Variants in COL28A1 observed in about 807,000 individuals in gnomAD.
COL28A1 encodes collagen alpha-1(XXVIII) chain.
A neutral mutation model predicts 150.2 loss-of-function variants in COL28A1; 161 were observed. The ratio of observed to expected loss-of-function variants is 1.07; its 90% CI spans 0.94 to 1.22. The LOEUF is 1.22. Among genes scored for constraint, COL28A1 ranks in the 50% most tolerant of loss-of-function variants. The probability of loss-of-function intolerance (pLI) is 0.00; values close to 1 mark genes in which losing one functional copy is unlikely to be tolerated. For synonymous variants in COL28A1, 552 were observed against 469.7 expected, an observed-to-expected ratio of 1.18 and a Z score of -2.26; for missense variants, 1,617 against 1,388.3, an observed-to-expected ratio of 1.16 and a Z score of -2.62.
At chr7:7,461,345 C>A (rs1010756271) in intron 15 of COL28A1, among the ~76,000 whole-genome samples, 1 of 152,224 alleles carries the variant, frequency 6.6e-6, no homozygotes, top group African/African-American at 2.4e-5. Flanking sequence ...AAACCTCCAA[C>A]TGAATTCTGT....
chr7:7,489,768 A>G lies in COL28A1; in HGVS notation c.1096-311T>C, dbSNP rs549627143. On this transcript the variant is annotated intron_variant, in intron 12 of 34. Coordinates refer to ENST00000399429, the MANE Select transcript of COL28A1 (RefSeq NM_001037763.3). Reference sequence around the variant, plus strand: ...GGTTACAGAGCTGACTAAGCTGACAATGTGTGTGCTGTGCCCTGCCCTCTT... The same window carrying G: ...GGTTACAGAGCTGACTAAGCTGACAGTGTGTGTGCTGTGCCCTGCCCTCTT... Among the ~76,000 whole-genome samples, 7 of 152,240 alleles carry G rather than the reference A, an allele frequency of 4.6e-5. No homozygotes were observed. In the South Asian group the frequency reaches 6.2e-4, roughly 14 times the overall value.
rs187297101 is a variant in COL28A1 at position 7,531,843 on chromosome 7, G to A, written c.186C>T (p.Ala62=). ...CAAAATCTTTCTGTTTATCAAAGAG[G>A]GCAATTTTAGAACTTTCAGAGCTGT... ...IVDSSESSKI[A]LFDKQKDFVD... The change falls in exon 3 of 35, where the codon GCC becomes GCT. Residue 62 remains alanine, a synonymous_variant. Transcript: ENST00000399429. 41 of 1,607,342 alleles carry A rather than the reference G, an allele frequency of 2.6e-5. No individual in the cohort carries two copies. In the African/African-American group the frequency reaches 5.1e-4, roughly 20 times the overall value.
At chr7:7,490,960 G>A (rs555379191) in intron 11 of COL28A1, among the ~76,000 whole-genome samples, 33 of 152,278 alleles carry the variant, frequency 2.2e-4, no homozygotes, top group Admixed American at 6.5e-5. Flanking sequence ...AATACAGCTT[G>A]CATTCATAAA....
chr7:7,482,842 C>T (rs778468406), intron 13 of COL28A1, among the ~76,000 whole-genome samples: 4 of 152,126 alleles, frequency 2.6e-5, no homozygotes, highest in Non-Finnish European at 4.4e-5. Context: ...AATCAAAACT[C>T]GAGAACTCTA....
intron 2 of COL28A1, among the ~76,000 whole-genome samples, chr7:7,532,363 G>C (rs545210309): frequency 6.6e-6 from 1 of 152,008 alleles, no homozygotes; most frequent in South Asian, 2.1e-4. Flanking sequence ...AGAGTAAGTG[G>C]AGAAGAAACC....
chr7:7,433,270 C>T (rs1247177287), intron 23 of COL28A1, among the ~76,000 whole-genome samples: 1 of 152,026 alleles, frequency 6.6e-6, no homozygotes, highest in Non-Finnish European at 1.5e-5. Flanking sequence ...GTCTCACAAA[C>T]AGCAATCAGA....
chr7:7,527,972 GA>G (rs932086353), intron 3 of COL28A1, among the ~76,000 whole-genome samples: 5 of 151,796 alleles, frequency 3.3e-5, no homozygotes, highest in Non-Finnish European at 7.4e-5. Context: ...ATCTAAAACA[GA>G]AAAATAAGGC....
In COL28A1 at chr7:7,532,047, A is replaced by G. The variant is rs565975190; in HGVS notation, c.125-143T>C. 1.5e-5 allele frequency: 8 copies of G among 546,418 alleles called. No homozygotes were observed. In the East Asian group the frequency reaches 2.3e-4, roughly 16 times the overall value. 33.8% of individuals were successfully genotyped at this position (546,418 alleles called of 1,614,324 possible). On this transcript the variant is annotated intron_variant, in intron 2 of 34. Coordinates refer to ENST00000399429, the MANE Select transcript of COL28A1 (RefSeq NM_001037763.3). ...AGAGAAAGAGAGACACGTTGGACAG[A>G]AGGCTTCAATTGTAAAAAACTAAAT...
chr7:7,462,082 C>T (rs967009682), intron 15 of COL28A1, among the ~76,000 whole-genome samples: 3 of 152,150 alleles, frequency 2.0e-5, no homozygotes, highest in Non-Finnish European at 4.4e-5. Context: ...CAGTACCAGC[C>T]TGGAGCCCGG....
downstream of COL28A1, among the ~76,000 whole-genome samples, chr7:7,355,725 C>A (rs1216615103): frequency 6.6e-6 from 1 of 152,104 alleles, no homozygotes; most frequent in East Asian, 1.9e-4. Flanking sequence ...TTATATGCAA[C>A]TGGTGGGAAT....
At chr7:7,454,118 G>A (rs1446415702) in intron 16 of COL28A1, among the ~76,000 whole-genome samples, 2 of 152,124 alleles carry the variant, frequency 1.3e-5, no homozygotes, top group African/African-American at 4.8e-5. Context: ...TGTATATGTG[G>A]TTGTTTATTT....
chr7:7,345,478 G>C, the COL28A1 span, among the ~76,000 whole-genome samples: 3 of 151,848 alleles, frequency 2.0e-5, no homozygotes, highest in South Asian at 6.2e-4. Context: ...TTACCATCTG[G>C]TATAATTTTC....
Position 7,411,880 on chromosome 7 carries a change from T to A in COL28A1, c.2136+5979A>T, listed in dbSNP as rs537148871. Among the ~76,000 whole-genome samples the A allele has an allele frequency of 4.1e-4, 62 of 152,194 alleles. 1 individual carries two copies. Among genetic ancestry groups the A allele is most frequent in the Non-Finnish European group, 8.2e-4 (56 of 68,024 alleles). On this transcript the variant is annotated intron_variant, in intron 27 of 34. Coordinates refer to ENST00000399429, the MANE Select transcript of COL28A1 (RefSeq NM_001037763.3). ...AGCCCAGGTGTCTGTGCCCACAGTA[T>A]CAGGAGAATGACGGGGCATTCTGGA...
At chr7:7,478,434 A>G (rs1435018520) in intron 13 of COL28A1, among the ~76,000 whole-genome samples, 2 of 152,276 alleles carry the variant, frequency 1.3e-5, no homozygotes, top group African/African-American at 4.8e-5. Context: ...TTAGCCGGAC[A>G]TAAAGGTTCT....
At chr7:7,533,351 T>C (rs1271667636) in intron 1 of COL28A1, among the ~76,000 whole-genome samples, 1 of 152,128 alleles carries the variant, frequency 6.6e-6, no homozygotes, top group Non-Finnish European at 1.5e-5. Context: ...AATCTAGTAT[T>C]TTGTAGAACT....
chr7:7,481,177 C>T (rs928862963), intron 13 of COL28A1, among the ~76,000 whole-genome samples: 6 of 152,226 alleles, frequency 3.9e-5, no homozygotes, highest in Admixed American at 2.0e-4. Flanking sequence ...CCTTCATTCT[C>T]TGCACTTCTA....
At chr7:7,448,022 T>C (rs1459486787) in intron 18 of COL28A1, among the ~76,000 whole-genome samples, 1 of 152,160 alleles carries the variant, frequency 6.6e-6, no homozygotes, top group Non-Finnish European at 1.5e-5. Context: ...GTCAAGAGCA[T>C]GCCACTGCAC....
intron 30 of COL28A1, among the ~76,000 whole-genome samples, chr7:7,375,755 C>T (rs567437870): frequency 9.2e-5 from 14 of 152,304 alleles, no homozygotes; most frequent in African/African-American, 1.4e-4. Context: ...TGTGTGACCT[C>T]GGGCATTTGG....
intron 27 of COL28A1, among the ~76,000 whole-genome samples, chr7:7,398,494 T>C (rs1253562786): frequency 2.0e-5 from 3 of 152,240 alleles, no homozygotes; most frequent in African/African-American, 7.2e-5. Flanking sequence ...TGATTTTCTA[T>C]CCAATTCACA....
Sources: gnomAD v4.1 joint callset for allele counts (sites outside exome capture counted in the v4.1 genomes callset) on GRCh38, gnomAD v4.1.1 for gene constraint, MANE v1.5 for transcripts, NCBI Gene and HGNC (gene_info 2026-07-23, HGNC 2026-07-21) for gene names.